NGLY1: variants seen among roughly 807,000 people sequenced by gnomAD.
NGLY1 encodes the protein peptide-N(4)-(N-acetyl-beta-glucosaminyl)asparagine amidase.
Under a neutral mutation model 84.6 loss-of-function variants are expected in NGLY1, and 68 were observed. The ratio of observed to expected loss-of-function variants is 0.80; its 90% CI spans 0.66 to 0.98. The LOEUF (loss-of-function observed/expected upper bound fraction) is 0.98. Among genes scored for constraint, NGLY1 ranks in the 50% least tolerant of loss-of-function variants. The pLI is 0.00. For missense variants in NGLY1, 779 were observed against 770.2 expected, an observed-to-expected ratio of 1.01 and a Z score of -0.14; for synonymous variants, 280 against 275.2, an observed-to-expected ratio of 1.02 and a Z score of -0.17.
intron 9 of NGLY1, 53 bp downstream of exon 9, chr3:25,732,266 A>G: frequency 6.5e-7 from 1 of 1,541,324 alleles, no homozygotes; most frequent in South Asian, 1.2e-5. Context: ...GGAAGAGCAT[A>G]GTATATGAAG....
Position 25,770,746 on chromosome 3 carries a change from C to T in NGLY1, c.247-6435G>A, listed in dbSNP as rs190308872. Among the ~76,000 whole-genome samples the T allele has an allele frequency of 3.4e-3, 513 of 152,266 alleles. 2 individuals carry two copies. The highest frequency in any genetic ancestry group is 0.011 in the African/African-American group (473 of 41,560). On this transcript the variant is annotated intron_variant, in intron 2 of 11. Coordinates refer to ENST00000280700, the MANE Select transcript of NGLY1 (RefSeq NM_018297.4). ...TTATTTTTTGATTCTTTAATTATGG[C>T]CATTCTTGCAGCAGTAAGGTGTTGT...
At chr3:25,760,962 T>C (rs1479554476) in intron 3 of NGLY1, among the ~76,000 whole-genome samples, 1 of 149,068 alleles carries the variant, frequency 6.7e-6, no homozygotes, top group East Asian at 2.0e-4. Flanking sequence ...GGTTGCCTTA[T>C]TGTTGGTTTA....
chr3:25,735,916 G>A, intron 7 of NGLY1, 88 bp downstream of exon 7: 3 of 1,134,476 alleles, frequency 2.6e-6, no homozygotes, highest in Admixed American at 2.8e-5. Context: ...GCAGGTTATT[G>A]TATGTTAATT....
chr3:25,721,097 T>G (rs771147412), intron 10 of NGLY1, among the ~76,000 whole-genome samples: 2 of 152,208 alleles, frequency 1.3e-5, no homozygotes, highest in South Asian at 2.1e-4. Flanking sequence ...TATTTTCAAG[T>G]GTATTATTTT....
intron 2 of NGLY1, among the ~76,000 whole-genome samples, chr3:25,773,099 A>G (rs1431436506): frequency 6.6e-6 from 1 of 152,170 alleles, no homozygotes; most frequent in Non-Finnish European, 1.5e-5. Flanking sequence ...CCTGAGGACT[A>G]TGTGCCTAGG....
chr3:25,759,518 C>A (rs1162788518), intron 3 of NGLY1, among the ~76,000 whole-genome samples: 1 of 151,988 alleles, frequency 6.6e-6, no homozygotes, highest in Admixed American at 6.6e-5. Context: ...GTTTTAATGG[C>A]ACTCAAAATA....
At position 25,751,259 on chromosome 3, in the gene NGLY1, G is replaced by A; in HGVS notation, c.497C>T (p.Ala166Val). 1 of 1,541,908 alleles carries A rather than the reference G, an allele frequency of 6.5e-7. No homozygotes were observed. The highest frequency in any genetic ancestry group is 8.7e-7 in the Non-Finnish European group (1 of 1,147,028). The change falls in exon 4 of 12, where the codon GCT (alanine) becomes GTT (valine). Residue 166 changes from alanine to valine, a missense_variant. By Grantham distance (64) the Ala-to-Val change is moderately conservative. Coordinates refer to ENST00000280700, the MANE Select transcript of NGLY1 (RefSeq NM_018297.4). Reference sequence around the variant, plus strand: ...AACTTCTAGAATGGCTGAGTCAGCAGCAACCTAATAGGAAAAAAAAAAACT... The same window carrying A: ...AACTTCTAGAATGGCTGAGTCAGCAACAACCTAATAGGAAAAAAAAAAACT... ...SSDPPSASTV[A>V]ADSAILEVLQ...
intron 3 of NGLY1, among the ~76,000 whole-genome samples, chr3:25,752,930 G>A (rs1190804582): frequency 2.6e-5 from 4 of 152,034 alleles, no homozygotes; most frequent in African/African-American, 7.2e-5. Context: ...GGCATTTTCT[G>A]AGAATGAGGA....
At chr3:25,739,127 T>C (rs1233902991) in intron 5 of NGLY1, among the ~76,000 whole-genome samples, 1 of 152,184 alleles carries the variant, frequency 6.6e-6, no homozygotes, top group Non-Finnish European at 1.5e-5. Context: ...GGTAAAAGTA[T>C]ACCTCAGCAT....
Position 25,751,100 on chromosome 3 carries a change from T to G in NGLY1, c.656A>C (p.Lys219Thr). 1 of 1,610,346 alleles carries G rather than the reference T, an allele frequency of 6.2e-7. No homozygotes were observed. The highest frequency in any genetic ancestry group is 8.5e-7 in the Non-Finnish European group (1 of 1,178,856). The change falls in exon 4 of 12, where the codon AAA (lysine) becomes ACA (threonine). Residue 219 changes from lysine to threonine, a missense_variant and splice_region_variant. By Grantham distance (78) the Lys-to-Thr change is moderately conservative. Coordinates refer to ENST00000280700, the MANE Select transcript of NGLY1 (RefSeq NM_018297.4). ...EKLSRARKLD[K>T]GINISDEDFL... ...AAATGATTATGTAAAGCTACTACCT[T>G]TATCCAATTTTCTAGCTCTCGATAA...
chr3:25,781,307 A>T (rs1168329494), intron 1 of NGLY1, among the ~76,000 whole-genome samples: 1 of 152,106 alleles, frequency 6.6e-6, no homozygotes, highest in African/African-American at 2.4e-5. Context: ...TTTCTCAGTA[A>T]AAGTATACTG....
At chr3:25,771,511 G>C (rs1325552184) in intron 2 of NGLY1, among the ~76,000 whole-genome samples, 2 of 151,954 alleles carry the variant, frequency 1.3e-5, no homozygotes, top group African/African-American at 2.4e-5. Flanking sequence ...GTCTTGTTTT[G>C]GCTACGTAGG....
upstream of NGLY1, among the ~76,000 whole-genome samples, chr3:25,784,478 C>T (rs1708560179): frequency 6.6e-6 from 1 of 152,082 alleles, no homozygotes; most frequent in African/African-American, 2.4e-5. Flanking sequence ...AAGATGCATC[C>T]CTTACTACTT....
chr3:25,728,921 T>C (rs1705398393), intron 10 of NGLY1, among the ~76,000 whole-genome samples: 1 of 152,114 alleles, frequency 6.6e-6, no homozygotes, highest in Non-Finnish European at 1.5e-5. Flanking sequence ...TCCTCTTTGA[T>C]GAAAACAGAT....
Position 25,764,212 on chromosome 3 carries a change from A to G in NGLY1, c.346T>C (p.Ser116Pro). The G allele has an allele frequency of 1.2e-6, 2 of 1,614,074 alleles. No individual in the cohort carries two copies. The highest frequency in any genetic ancestry group is 1.7e-6 in the Non-Finnish European group (2 of 1,180,028). ...GACTTTACTTTGTGGCTCTTATTTG[A>G]GCCATCCAGTCTGCTACTTCTCTCT... Reference protein sequence around the residue: ...AIERSSRLDGSNKSHKVKSSQ... With the variant: ...AIERSSRLDGPNKSHKVKSSQ... The change falls in exon 3 of 12, where the codon TCA becomes CCA. Residue 116 changes from serine (S) to proline (P), a missense_variant. Ser to Pro is a moderately conservative substitution (Grantham distance 74). Coordinates refer to ENST00000280700, the MANE Select transcript of NGLY1 (RefSeq NM_018297.4).
chr3:25,783,258 A>G lies in NGLY1; in HGVS notation c.131+2T>C. ...CCGCCGTCCGACCCCGTTGCCCTGC[A>G]CCTGAGGATGTTGTCAGCATAGGTG... On this transcript the variant is annotated splice_donor_variant, in intron 1 of 11. Coordinates refer to ENST00000280700, the MANE Select transcript of NGLY1 (RefSeq NM_018297.4). LOFTEE classifies it high-confidence loss of function. The surrounding 1 kb of genome is among the most constrained non-coding windows in gnomAD (Gnocchi z 4.5). The G allele has an allele frequency of 6.3e-7, 1 of 1,596,846 alleles. No homozygotes were observed. The highest frequency in any genetic ancestry group is 8.6e-7 in the Non-Finnish European group (1 of 1,169,234).
chr3:25,771,529 T>C (rs1393656339), intron 2 of NGLY1, among the ~76,000 whole-genome samples: 1 of 152,182 alleles, frequency 6.6e-6, no homozygotes, highest in African/African-American at 2.4e-5. Context: ...AGGCTGCTTT[T>C]AAAAATTTTA....
chr3:25,789,983 G>T, exon 1 of NGLY1: 1 of 1,279,240 alleles, frequency 7.8e-7, no homozygotes, highest in Non-Finnish European at 1.1e-6. Flanking sequence ...CCAAGGTGAC[G>T]CGGCTTAAAG....
intron 4 of NGLY1, chr3:25,749,371 T>C: frequency 1.6e-6 from 1 of 626,318 alleles, no homozygotes; most frequent in Admixed American, 2.9e-5. Flanking sequence ...AATGAATAAA[T>C]GGATATGCAA....
Sources: allele counts gnomAD v4.1 joint callset (sites outside exome capture counted in the v4.1 genomes callset), GRCh38; gene constraint gnomAD v4.1.1; non-coding constraint Gnocchi (gnomAD v3.1); transcripts MANE v1.5; gene names NCBI Gene and HGNC (gene_info 2026-07-23, HGNC 2026-07-21).